The following RIN2 variants were observed in gnomAD, a reference collection of about 807,000 sequenced individuals.
The protein encoded by RIN2 is RAB5 interacting protein 2.
In RIN2, 36 loss-of-function variants were observed where a neutral mutation model predicts 78.0. That is an observed-to-expected ratio of 0.46 (90% CI 0.35 to 0.61). RIN2 has a LOEUF of 0.61. Among genes scored for constraint, RIN2 ranks in the 20% least tolerant of loss-of-function variants. The probability of loss-of-function intolerance (pLI) is 0.00; values close to 1 mark genes in which losing one functional copy is unlikely to be tolerated. For synonymous variants in RIN2, 466 were observed against 466.8 expected, an observed-to-expected ratio of 1.00 and a Z score of 0.02; for missense variants, 1,087 against 1,159.7, an observed-to-expected ratio of 0.94 and a Z score of 0.91.
At chr20:19,767,845 A>G (rs1173764700) in intron 1 of RIN2, among the ~76,000 whole-genome samples, 1 of 151,128 alleles carries the variant, frequency 6.6e-6, no homozygotes, top group East Asian at 1.9e-4. Flanking sequence ...GAATCACTTG[A>G]ACCTGAGAGG....
intron 11 of RIN2, among the ~76,000 whole-genome samples, chr20:19,993,385 G>A (rs1447826351): frequency 6.6e-6 from 1 of 151,864 alleles, no homozygotes; most frequent in Non-Finnish European, 1.5e-5. Flanking sequence ...GGAATGAAAT[G>A]CATTTTTACC....
At chr20:19,939,693 C>G (rs1389730245) in intron 4 of RIN2, among the ~76,000 whole-genome samples, 2 of 152,184 alleles carry the variant, frequency 1.3e-5, no homozygotes. Context: ...GCCTCCTGGC[C>G]TTTGTACTTG....
chr20:19,896,027 T>G (rs1188598633), intron 3 of RIN2: 1 of 152,212 alleles, frequency 6.6e-6, no homozygotes, highest in African/African-American at 2.4e-5. Context: ...TTCCCAGTAA[T>G]GGAGTTTTCA....
intron 1 of RIN2, among the ~76,000 whole-genome samples, chr20:19,760,973 A>C (rs1324845677): frequency 6.6e-6 from 1 of 152,164 alleles, no homozygotes; most frequent in East Asian, 1.9e-4. Flanking sequence ...AAACCAGGCC[A>C]TAGCCCTTAA....
intron 1 of RIN2, among the ~76,000 whole-genome samples, chr20:19,788,439 A>AAAAACAAAAAC (rs1555818738): frequency 7.5e-6 from 1 of 132,994 alleles, no homozygotes. Context: ...TGCCAAAAAA[A>AAAAACAAAAAC]AAAAAAAAAA....
At chr20:19,760,653 C>T (rs1378699985) in intron 1 of RIN2, among the ~76,000 whole-genome samples, 24 of 152,108 alleles carry the variant, frequency 1.6e-4, no homozygotes, top group Non-Finnish European at 2.9e-5. Context: ...AGATGAAACA[C>T]AGGGTATGCT....
rs533953970 is a variant in RIN2, at chr20:19,904,722, G to A, written c.57+15064G>A. Reference sequence around the variant, plus strand: ...CTGGGATTCCATTCTTAGTGCTATCGGAAGCGGTGATGGGTATGAGGAGGG... The same window carrying A: ...CTGGGATTCCATTCTTAGTGCTATCAGAAGCGGTGATGGGTATGAGGAGGG... On this transcript the variant is annotated intron_variant, in intron 3 of 12. Coordinates refer to ENST00000255006, the MANE Select transcript of RIN2 (RefSeq NM_018993.4). Among the ~76,000 whole-genome samples, 19 of 152,314 alleles carry A rather than the reference G, an allele frequency of 1.2e-4. No homozygotes were observed. The East Asian group carries it at 1.7e-3, about 14-fold the overall frequency.
At chr20:19,804,617 T>A (rs1454597194) in intron 2 of RIN2, among the ~76,000 whole-genome samples, 3 of 152,214 alleles carry the variant, frequency 2.0e-5, no homozygotes, top group Non-Finnish European at 4.4e-5. Context: ...TTATTGAGGA[T>A]TTTTGTATCA....
Position 19,887,931 on chromosome 20 carries a change from A to G in RIN2, c.-36-1635A>G, listed in dbSNP as rs565336028. 2.7e-4 allele frequency among the ~76,000 whole-genome samples: 41 copies of G among 152,310 alleles called. No homozygotes were observed. The Middle Eastern group carries it at 0.014, about 51-fold the overall frequency. The stretch of plus-strand genomic sequence containing the variant: ...CTAAACAGGTCATGGTTTGCTCCCC[A>G]AGGTGACAGTGTGGCTCCCATTCCG... On this transcript the variant is annotated intron_variant, in intron 2 of 12. Coordinates refer to ENST00000255006, the MANE Select transcript of RIN2 (RefSeq NM_018993.4).
At chr20:19,887,054 G>A (rs2123474135) in intron 2 of RIN2, among the ~76,000 whole-genome samples, 1 of 151,612 alleles carries the variant, frequency 6.6e-6, no homozygotes, top group Admixed American at 6.6e-5. Flanking sequence ...GAGACAGAGT[G>A]TTACTCTGTC....
At chr20:19,815,318 A>C (rs1213368252) in intron 2 of RIN2, among the ~76,000 whole-genome samples, 1 of 152,246 alleles carries the variant, frequency 6.6e-6, no homozygotes, top group African/African-American at 2.4e-5. Context: ...TTTAAGCAAA[A>C]GCTAAAATTT....
chr20:19,852,761 A>G (rs2037024160), intron 2 of RIN2, among the ~76,000 whole-genome samples: 1 of 152,146 alleles, frequency 6.6e-6, no homozygotes, highest in African/African-American at 2.4e-5. Flanking sequence ...TACAAGCCAT[A>G]TTGGGAATTA....
In RIN2 at chr20:19,964,984, G is replaced by A. The variant is rs764833099; in HGVS notation, c.496G>A (p.Ala166Thr). The part of the protein sequence containing the change: ...FSLEGSGISF[A>T]DLFRLIAFYC... The stretch of plus-strand genomic sequence containing the variant: ...CCTGGAAGGCTCAGGAATCAGTTTC[G>A]CAGATTTATTCCGGCTCATTGCTTT... Residue 166 changes from alanine (A) to threonine (T), a missense_variant, in exon 7 of 13, where the codon GCA becomes ACA. Ala to Thr is a moderately conservative substitution (Grantham distance 58). This residue lies in a region of RIN2 where 706 missense variants were observed against 667.5 expected (regional missense o/e 1.06). Coordinates refer to ENST00000255006, the MANE Select transcript of RIN2 (RefSeq NM_018993.4). The A allele has an allele frequency of 1.1e-5, 17 of 1,613,410 alleles. No individual in the cohort carries two copies. Among genetic ancestry groups the A allele is most frequent in the East Asian group, 6.7e-5 (3 of 44,896 alleles).
chr20:19,829,754 A>T (rs939280790), intron 2 of RIN2, among the ~76,000 whole-genome samples: 2 of 152,176 alleles, frequency 1.3e-5, no homozygotes, highest in Admixed American at 6.5e-5. Context: ...TCAGCCCACC[A>T]AGGGGTTGGC....
chr20:19,775,052 C>G (rs912640188), intron 1 of RIN2, among the ~76,000 whole-genome samples: 1 of 152,176 alleles, frequency 6.6e-6, no homozygotes, highest in African/African-American at 2.4e-5. Context: ...CAGAGCAATA[C>G]AGAGTTCCAC....
At chr20:19,911,345 CGCCTG>C (rs1375672547) in intron 3 of RIN2, among the ~76,000 whole-genome samples, 1 of 152,110 alleles carries the variant, frequency 6.6e-6, no homozygotes. Context: ...TGAGCCACCG[CGCCTG>C]GCCCAAATAT....
At chr20:19,910,183 T>G (rs2039399797) in intron 3 of RIN2, among the ~76,000 whole-genome samples, 1 of 152,030 alleles carries the variant, frequency 6.6e-6, no homozygotes, top group Non-Finnish European at 1.5e-5. Context: ...TCATACTTTC[T>G]CTCTTTTTTT....
chr20:19,900,714 T>C (rs934427691), intron 3 of RIN2, among the ~76,000 whole-genome samples: 2 of 148,056 alleles, frequency 1.4e-5, no homozygotes, highest in African/African-American at 5.0e-5. Context: ...ACTTTGGGAG[T>C]CCAAGGTGGG....
At chr20:19,845,745 G>GT (rs1282755855) in intron 2 of RIN2, among the ~76,000 whole-genome samples, 1 of 152,026 alleles carries the variant, frequency 6.6e-6, no homozygotes, top group Non-Finnish European at 1.5e-5. Flanking sequence ...GATCCCATTT[G>GT]TCTATTTTGG....
Sources: allele counts gnomAD v4.1 joint callset (sites outside exome capture counted in the v4.1 genomes callset), GRCh38; gene constraint gnomAD v4.1.1; regional missense constraint gnomAD v4.1.1; transcripts MANE v1.5; gene names NCBI Gene and HGNC (gene_info 2026-07-23, HGNC 2026-07-21).